TIAM1: variants seen among roughly 807,000 people sequenced by gnomAD.
TIAM1 encodes rho guanine nucleotide exchange factor TIAM1.
TIAM1 carries 65 observed loss-of-function variants against 163.5 expected under a neutral mutation model. The ratio of observed to expected loss-of-function variants is 0.40; its 90% confidence interval spans 0.33 to 0.49. The LOEUF (loss-of-function observed/expected upper bound fraction) is 0.49, where lower values mean the gene tolerates loss of function less well. Among genes scored for constraint, TIAM1 ranks in the 20% least tolerant of loss-of-function variants. TIAM1 has a pLI of 0.77. For missense variants in TIAM1, 1,789 were observed against 2,044.7 expected, an observed-to-expected ratio of 0.87 and a Z score of 2.41; for synonymous variants, 833 against 810.1, an observed-to-expected ratio of 1.03 and a Z score of -0.48.
At chr21:31,225,648 C>T in intron 7 of TIAM1, 78 bp downstream of exon 7, 1 of 1,259,858 alleles carries the variant, frequency 7.9e-7, no homozygotes, top group Non-Finnish European at 1.1e-6. Context: ...TTCACGATTC[C>T]AAAACAGCAA....
chr21:31,442,072 T>TATATATATATATATATATATATAG (rs2044447020), intron 2 of TIAM1, among the ~76,000 whole-genome samples: 1 of 102,668 alleles, frequency 9.7e-6, no homozygotes, highest in Admixed American at 1.0e-4. Flanking sequence ...AATAAATAAA[T>TATATATATATATATATATATATAG]ATATATATAT....
chr21:31,158,104 G>A (rs148686464), intron 16 of TIAM1, among the ~76,000 whole-genome samples: 3 of 152,216 alleles, frequency 2.0e-5, no homozygotes, highest in Admixed American at 6.5e-5. Flanking sequence ...AGTTTACCAC[G>A]CCTGAGGTTT....
intron 6 of TIAM1, among the ~76,000 whole-genome samples, chr21:31,235,042 G>A (rs1002795901): frequency 8.5e-5 from 13 of 152,092 alleles, no homozygotes; most frequent in Non-Finnish European, 1.5e-4. Context: ...TTTATAAGAA[G>A]TTACTCCAGG....
intron 2 of TIAM1, among the ~76,000 whole-genome samples, chr21:31,437,958 GT>G (rs2044271787): frequency 8.5e-5 from 13 of 152,076 alleles, no homozygotes; most frequent in Admixed American, 8.5e-4. Flanking sequence ...TTTTTGGACA[GT>G]TAGATCACCT....
intron 2 of TIAM1, among the ~76,000 whole-genome samples, chr21:31,435,857 G>T (rs976720128): frequency 2.6e-5 from 4 of 152,240 alleles, no homozygotes; most frequent in Non-Finnish European, 5.9e-5. Flanking sequence ...GCCCTTTCTT[G>T]TTCTCTCTCA....
Position 31,225,713 on chromosome 21 carries a change from G to A in TIAM1, c.1809+13C>T. ...ACAATTTTGTCCGGACCTAAACACG[G>A]AAGAACGATTACCTGATCTAATATT... On this transcript the variant is annotated intron_variant, in intron 7 of 27. Coordinates refer to ENST00000541036, the MANE Select transcript of TIAM1 (RefSeq NM_001353694.2). 5 of 1,604,302 alleles carry A rather than the reference G, an allele frequency of 3.1e-6. No homozygotes were observed. Among genetic ancestry groups the A allele is most frequent in the Non-Finnish European group, 4.2e-6 (5 of 1,178,094 alleles).
intron 9 of TIAM1, 150 bp downstream of exon 9, chr21:31,217,403 T>C: frequency 3.7e-6 from 4 of 1,082,320 alleles, no homozygotes; most frequent in South Asian, 1.7e-5. Context: ...GCATTATCTA[T>C]TAAAAGTGTC....
At chr21:31,308,319 C>G (rs1478439622) in intron 2 of TIAM1, among the ~76,000 whole-genome samples, 1 of 152,080 alleles carries the variant, frequency 6.6e-6, no homozygotes, top group Non-Finnish European at 1.5e-5. Context: ...TAACCTCCGT[C>G]TCATTTCCTC....
intron 2 of TIAM1, among the ~76,000 whole-genome samples, chr21:31,315,238 G>A (rs2075068150): frequency 6.6e-6 from 1 of 152,122 alleles, no homozygotes; most frequent in Non-Finnish European, 1.5e-5. Context: ...CGCATGGCCG[G>A]GCGCAGTGGC....
At chr21:31,501,436 A>G (rs1221886733) in intron 1 of TIAM1, among the ~76,000 whole-genome samples, 1 of 152,136 alleles carries the variant, frequency 6.6e-6, no homozygotes, top group East Asian at 1.9e-4. Flanking sequence ...AGGCATCTAC[A>G]CAACTAGGAG....
At chr21:31,473,322 C>T (rs896165554) in intron 1 of TIAM1, among the ~76,000 whole-genome samples, 6 of 150,580 alleles carry the variant, frequency 4.0e-5, no homozygotes, top group Non-Finnish European at 7.4e-5. Flanking sequence ...CCCAGCTACT[C>T]GGGAGGCTGA....
intron 2 of TIAM1, among the ~76,000 whole-genome samples, chr21:31,457,612 G>A (rs138901882): frequency 6.6e-6 from 1 of 152,312 alleles, no homozygotes; most frequent in East Asian, 1.9e-4. Flanking sequence ...TACGGTCATT[G>A]TCATATCTAA....
intron 12 of TIAM1, among the ~76,000 whole-genome samples, chr21:31,202,705 C>T (rs1354194106): frequency 6.6e-6 from 1 of 152,236 alleles, no homozygotes; most frequent in African/African-American, 2.4e-5. Context: ...TAGCACTGCA[C>T]TGCTTCGTGC....
chr21:31,182,684 A>T (rs1340697284), intron 14 of TIAM1, 39 bp from the exon 15 acceptor site: 27 of 1,583,930 alleles, frequency 1.7e-5, no homozygotes, highest in Non-Finnish European at 2.1e-5. Flanking sequence ...TTTCACACAC[A>T]TTATCAGAAC....
intron 1 of TIAM1, among the ~76,000 whole-genome samples, chr21:31,492,981 AT>A (rs5843520): frequency 6.4e-4 from 97 of 150,968 alleles, no homozygotes; most frequent in Non-Finnish European, 1.0e-3. Flanking sequence ...ATAGTTATGT[AT>A]TTTTTTTTTA....
chr21:31,428,882 CAA>C (rs56402509), intron 2 of TIAM1, among the ~76,000 whole-genome samples: 26 of 123,786 alleles, frequency 2.1e-4, no homozygotes, highest in East Asian at 2.3e-4. Flanking sequence ...GACCCTGTCT[CAA>C]AAAAAAAAAA....
At chr21:31,535,718 A>T (rs1027188581) in intron 1 of TIAM1, among the ~76,000 whole-genome samples, 1 of 148,544 alleles carries the variant, frequency 6.7e-6, no homozygotes, top group Non-Finnish European at 1.5e-5. Context: ...GACACACTCT[A>T]TACCTTCCCA....
chr21:31,180,596 AC>A (rs1251820232), intron 15 of TIAM1, among the ~76,000 whole-genome samples: 1 of 152,202 alleles, frequency 6.6e-6, no homozygotes, highest in Non-Finnish European at 1.5e-5. Flanking sequence ...TTGAGTACAC[AC>A]TGTTGCTTAT....
chr21:31,220,431 C>A (rs112566991), intron 8 of TIAM1, among the ~76,000 whole-genome samples: 2 of 152,100 alleles, frequency 1.3e-5, no homozygotes, highest in African/African-American at 4.8e-5. Flanking sequence ...CACACCAACA[C>A]GGCACATGTA....
Sources: gnomAD v4.1 joint callset for allele counts (sites outside exome capture counted in the v4.1 genomes callset) on GRCh38, gnomAD v4.1.1 for gene constraint, MANE v1.5 for transcripts, NCBI Gene and HGNC (gene_info 2026-07-23, HGNC 2026-07-21) for gene names.